Variants in TENM4 observed in about 807,000 individuals in gnomAD.
TENM4 encodes the protein teneurin transmembrane protein 4, also known as teneurin-4.
A neutral mutation model predicts 243.3 loss-of-function variants in TENM4; 82 were observed. That is an observed-to-expected ratio of 0.34 (90% CI 0.28 to 0.40). TENM4 has a LOEUF of 0.40. Ranked by LOEUF, TENM4 falls within the 10% of genes least tolerant of loss-of-function variation. The pLI is 1.00. For missense variants in TENM4, 3,138 were observed against 3,673.3 expected (o/e 0.85, Z 3.77); for synonymous variants, 1,412 against 1,456.3 (o/e 0.97, Z 0.69).
intron 33 of TENM4, among the ~76,000 whole-genome samples, chr11:78,660,441 A>G (rs1857999876): frequency 6.6e-6 from 1 of 152,148 alleles, no homozygotes; most frequent in Non-Finnish European, 1.5e-5. Flanking sequence ...TAGTAGCGAG[A>G]CAAGAAAGAG....
At chr11:79,419,521 G>A (rs902711054) in intron 1 of TENM4, among the ~76,000 whole-genome samples, 1 of 152,122 alleles carries the variant, frequency 6.6e-6, no homozygotes, top group Admixed American at 6.5e-5. Flanking sequence ...TGGATGAGAT[G>A]GTTAAATTAG....
rs1445154818 is a variant in TENM4, at chr11:79,139,092, A to G, written c.-66+9618T>C. ...CTATAAATATATATTATATTTCTATAAATATATAAAATATATATTATATTT... is the reference window on the plus strand; with the variant it reads ...CTATAAATATATATTATATTTCTATGAATATATAAAATATATATTATATTT... On this transcript the variant is annotated intron_variant, in intron 4 of 33. Transcript: ENST00000278550. 5.7e-5 allele frequency among the ~76,000 whole-genome samples: 2 copies of G among 35,384 alleles called. 1 individual carries two copies. Among genetic ancestry groups the G allele is most frequent in the Non-Finnish European group, 8.4e-5 (2 of 23,942 alleles). The allele number at this position is 35,384 out of a possible 152,430, so 23.2% of individuals were successfully genotyped here.
At chr11:79,161,134 C>G (rs556773657) in intron 3 of TENM4, among the ~76,000 whole-genome samples, 2 of 152,302 alleles carry the variant, frequency 1.3e-5, no homozygotes, top group South Asian at 4.1e-4. Flanking sequence ...ATCCCCCTGG[C>G]TGAGATTTTA....
At chr11:78,791,551 C>T (rs683495) in intron 15 of TENM4, among the ~76,000 whole-genome samples, 2,160 of 152,234 alleles carry the variant, frequency 0.014, 23 homozygotes, top group Non-Finnish European at 0.022. Context: ...TTGGGTGCTC[C>T]CTGTGTGCAA....
intron 3 of TENM4, among the ~76,000 whole-genome samples, chr11:79,214,336 G>T (rs1864009334): frequency 6.6e-6 from 1 of 152,146 alleles, no homozygotes; most frequent in African/African-American, 2.4e-5. Context: ...GAGAACCTAT[G>T]TCTCTACTGC....
intron 15 of TENM4, among the ~76,000 whole-genome samples, chr11:78,799,542 G>C (rs897995313): frequency 6.6e-6 from 1 of 152,224 alleles, no homozygotes; most frequent in Non-Finnish European, 1.5e-5. Context: ...ACTGAATGCA[G>C]CCACCATATA....
chr11:79,397,599 C>T (rs111873064), intron 1 of TENM4, among the ~76,000 whole-genome samples: 21 of 152,248 alleles, frequency 1.4e-4, no homozygotes, highest in African/African-American at 4.8e-4. Context: ...AGGAAGGATA[C>T]CCCAGCAACC....
intron 6 of TENM4, among the ~76,000 whole-genome samples, chr11:78,948,058 T>C (rs1439972061): frequency 6.6e-6 from 1 of 152,166 alleles, no homozygotes; most frequent in Non-Finnish European, 1.5e-5. Flanking sequence ...CCAATCTAAG[T>C]ACAGGCACTC....
intron 6 of TENM4, among the ~76,000 whole-genome samples, chr11:78,995,217 C>T (rs1047048546): frequency 1.4e-4 from 22 of 152,082 alleles, no homozygotes; most frequent in Admixed American, 5.9e-4. Flanking sequence ...CACACCGTAC[C>T]GGCTGAAAAC....
chr11:78,708,549 A>G (rs201195461), intron 26 of TENM4, 34 bp from the exon 27 acceptor site: 2 of 1,607,628 alleles, frequency 1.2e-6, no homozygotes, highest in Non-Finnish European at 8.5e-7. Context: ...GGAACTCAGC[A>G]TCAGAGATGA....
chr11:79,221,489 C>T (rs1275582608), intron 2 of TENM4, among the ~76,000 whole-genome samples: 1 of 151,878 alleles, frequency 6.6e-6, no homozygotes, highest in Admixed American at 6.6e-5. Context: ...CACACACAAA[C>T]TCACCGAGAA....
intron 6 of TENM4, among the ~76,000 whole-genome samples, chr11:79,042,427 G>C (rs1290168630): frequency 6.6e-6 from 1 of 152,176 alleles, no homozygotes; most frequent in Admixed American, 6.5e-5. Flanking sequence ...GGCCAAGAGG[G>C]CTCTTCCCTT....
At chr11:78,842,665 C>G (rs867021316) in intron 12 of TENM4, among the ~76,000 whole-genome samples, 1 of 152,224 alleles carries the variant, frequency 6.6e-6, no homozygotes, top group Non-Finnish European at 1.5e-5. Context: ...CCTGGACATA[C>G]CAGGCACTCA....
At chr11:78,983,202 G>A (rs746195807) in intron 6 of TENM4, among the ~76,000 whole-genome samples, 1 of 152,178 alleles carries the variant, frequency 6.6e-6, no homozygotes, top group Non-Finnish European at 1.5e-5. Flanking sequence ...AGTCATTCAT[G>A]CATTCACTCA....
At chr11:79,030,994 C>T (rs540908404) in intron 6 of TENM4, among the ~76,000 whole-genome samples, 4 of 152,158 alleles carry the variant, frequency 2.6e-5, no homozygotes, top group South Asian at 2.1e-4. Flanking sequence ...AAAGGAGACA[C>T]GAAGGTGGAT....
intron 19 of TENM4, among the ~76,000 whole-genome samples, chr11:78,750,052 GAC>G (rs1856147468): frequency 6.6e-6 from 1 of 152,144 alleles, no homozygotes; most frequent in African/African-American, 2.4e-5. Context: ...TTATCCTCCA[GAC>G]ACATTAAAAT....
intron 4 of TENM4, among the ~76,000 whole-genome samples, chr11:79,139,887 G>T (rs1175217933): frequency 1.4e-5 from 2 of 145,080 alleles, no homozygotes; most frequent in Non-Finnish European, 3.0e-5. Context: ...TCTAGAGAAC[G>T]CTGAGTAATA....
At chr11:79,409,663 A>G (rs559324338) in intron 1 of TENM4, among the ~76,000 whole-genome samples, 6 of 152,300 alleles carry the variant, frequency 3.9e-5, no homozygotes, top group African/African-American at 1.4e-4. Flanking sequence ...TGTAGCAGAC[A>G]CTACGGATGC....
At chr11:78,960,377 CG>C (rs1467542495) in intron 6 of TENM4, among the ~76,000 whole-genome samples, 3 of 152,204 alleles carry the variant, frequency 2.0e-5, no homozygotes, top group Admixed American at 2.0e-4. Flanking sequence ...ACAGTGGAAG[CG>C]GGGAGGTCCT....
Sources: gnomAD v4.1 joint callset for allele counts (sites outside exome capture counted in the v4.1 genomes callset) on GRCh38, gnomAD v4.1.1 for gene constraint, MANE v1.5 for transcripts, NCBI Gene and HGNC (gene_info 2026-07-23, HGNC 2026-07-21) for gene names.